FILIP1L: variants seen among roughly 807,000 people sequenced by gnomAD.
FILIP1L encodes the protein filamin A interacting protein 1 like.
A neutral mutation model predicts 96.6 loss-of-function variants in FILIP1L; 55 were observed. The ratio of observed to expected loss-of-function variants is 0.57; its 90% CI spans 0.46 to 0.71. The LOEUF (loss-of-function observed/expected upper bound fraction) is 0.71. Ranked by LOEUF, FILIP1L falls within the 30% of genes least tolerant of loss-of-function variation. The probability of loss-of-function intolerance (pLI) is 0.00; values close to 1 mark genes in which losing one functional copy is unlikely to be tolerated. For missense variants in FILIP1L, 1,304 were observed against 1,321.2 expected (o/e 0.99, Z 0.20); for synonymous variants, 467 against 473.9 (o/e 0.99, Z 0.19).
intron 1 of FILIP1L, among the ~76,000 whole-genome samples, chr3:100,067,005 G>A (rs2065677143): frequency 6.6e-6 from 1 of 152,194 alleles, no homozygotes; most frequent in African/African-American, 2.4e-5. Context: ...CACATATTGA[G>A]TGAGATTCCT....
intron 1 of FILIP1L, among the ~76,000 whole-genome samples, chr3:99,991,965 T>C (rs529197940): frequency 6.7e-6 from 1 of 149,328 alleles, no homozygotes; most frequent in South Asian, 2.1e-4. Flanking sequence ...TATGTGTGTA[T>C]ATATACACAC....
In FILIP1L at chr3:99,850,061, A is replaced by G. The variant is rs1943592894; in HGVS notation, c.1615T>C (p.Leu539=). Residue 539 remains leucine, a synonymous_variant, in exon 5 of 6, where the codon TTA becomes CTA. Coordinates refer to ENST00000477258, the MANE Select transcript of FILIP1L (RefSeq NM_001387850.1). ...QNKVTTVTEK[L]IEETKRALKS... Reference sequence around the variant, plus strand: ...AGCGCCCTTTTAGTTTCCTCAATTAACTTCTCAGTAACTGTTGTTACTTTA... The same window carrying G: ...AGCGCCCTTTTAGTTTCCTCAATTAGCTTCTCAGTAACTGTTGTTACTTTA... The G allele has an allele frequency of 6.2e-7, 1 of 1,611,848 alleles. No individual in the cohort carries two copies. Among genetic ancestry groups the G allele is most frequent in the African/African-American group, 1.3e-5 (1 of 74,720 alleles).
chr3:100,083,380 C>G (rs766457268), intron 1 of FILIP1L, among the ~76,000 whole-genome samples: 49 of 152,316 alleles, frequency 3.2e-4, no homozygotes, highest in Non-Finnish European at 5.4e-4. Flanking sequence ...TGGGAACTTG[C>G]AAGACATGAA....
At chr3:99,876,370 C>T (rs1705521799) in intron 4 of FILIP1L, among the ~76,000 whole-genome samples, 1 of 151,240 alleles carries the variant, frequency 6.6e-6, no homozygotes, top group Non-Finnish European at 1.5e-5. Flanking sequence ...CGGCTCCCAG[C>T]GGAGGGAATG....
intron 5 of FILIP1L, among the ~76,000 whole-genome samples, chr3:99,847,275 G>C (rs1943406635): frequency 6.6e-6 from 1 of 150,618 alleles, no homozygotes; most frequent in Non-Finnish European, 1.5e-5. Flanking sequence ...GAACAGGGTA[G>C]GTAGCACCTA....
chr3:100,074,675 A>ATT lies in FILIP1L; in HGVS notation c.-11+39376_-11+39377dup, dbSNP rs555819875. Among the ~76,000 whole-genome samples the ATT allele has an allele frequency of 3.6e-3, 126 of 34,774 alleles. 42 individuals carry two copies. Among genetic ancestry groups the ATT allele is most frequent in the South Asian group, 5.0e-3 (3 of 604 alleles). 22.8% of individuals were successfully genotyped at this position (34,774 alleles called of 152,430 possible). A position where few individuals can be genotyped will look rare whatever the true frequency, so the allele number is the denominator to read the frequency against. On this transcript the variant is annotated intron_variant, in intron 1 of 5. Transcript: ENST00000477258. ...ATTTTCTATGCATGTGCAACATTTG[A>ATT]TTTTTTTTTTTTTTTTTTTTTTTTT... is the stretch of plus-strand genomic sequence containing the variant.
In FILIP1L at chr3:99,832,262, G is replaced by A. The variant is rs1331326350; in HGVS notation, c.3382-1657C>T. On this transcript the variant is annotated intron_variant, in intron 5 of 5. Coordinates refer to ENST00000477258, the MANE Select transcript of FILIP1L (RefSeq NM_001387850.1). ...TTTTTTTTTTTTGAGACGGAGTCTC[G>A]CTGTATCACCCAGACTGGAGTGCAG... 3.5e-5 allele frequency among the ~76,000 whole-genome samples: 5 copies of A among 141,290 alleles called. No individual in the cohort carries two copies. In the South Asian group the frequency reaches 6.6e-4, roughly 19 times the overall value. The allele number at this position is 141,290 out of a possible 152,430, so 92.7% of individuals were successfully genotyped here.
intron 1 of FILIP1L, among the ~76,000 whole-genome samples, chr3:99,987,230 TA>T (rs1709367619): frequency 9.3e-6 from 1 of 107,228 alleles, no homozygotes; most frequent in African/African-American, 3.7e-5. Flanking sequence ...CCCTGTCTCT[TA>T]AGGGGAAAAA....
At chr3:99,983,700 A>C (rs1709242734) in intron 1 of FILIP1L, among the ~76,000 whole-genome samples, 1 of 150,240 alleles carries the variant, frequency 6.7e-6, no homozygotes, top group Admixed American at 6.7e-5. Context: ...AAAAAAAAAA[A>C]AAAGAAATGA....
chr3:100,048,351 G>A (rs2065311383), intron 1 of FILIP1L, among the ~76,000 whole-genome samples: 2 of 152,168 alleles, frequency 1.3e-5, no homozygotes, highest in South Asian at 2.1e-4. Flanking sequence ...CAGAGCCTTC[G>A]GCACTGCCAG....
At chr3:99,908,914 T>A (rs1347094297) in intron 4 of FILIP1L, among the ~76,000 whole-genome samples, 1 of 152,122 alleles carries the variant, frequency 6.6e-6, no homozygotes, top group Non-Finnish European at 1.5e-5. Flanking sequence ...GGAATCTTAA[T>A]TAGCTTCAGG....
Position 99,930,022 on chromosome 3 carries a change from TC to T in FILIP1L, c.259del (p.Asp87MetfsTer4), listed in dbSNP as rs762286588. The T allele has an allele frequency of 6.9e-6, 11 of 1,605,476 alleles. No individual in the cohort carries two copies. Among genetic ancestry groups the T allele is most frequent in the Admixed American group, 1.7e-5 (1 of 58,220 alleles). ...AGCCTTTAAAATGCCTATGACCTCA[TC>T]TCGAGCCTGTAGGAACAAAAAGTAT... ...SILEGELQAR[D>X]EVIGILKAEK... On this transcript the variant is annotated frameshift_variant, in exon 3 of 6. Transcript: ENST00000477258. LOFTEE classifies it high-confidence loss of function.
rs370295290 is a variant in FILIP1L at position 99,962,866 on chromosome 3, T to C, written c.-10-31836A>G. On this transcript the variant is annotated intron_variant, in intron 1 of 5. Coordinates refer to ENST00000477258, the MANE Select transcript of FILIP1L (RefSeq NM_001387850.1). ...GTACTCTGAGGGTGCCTTAAGACAA[T>C]GGCTGTAGCCTGCTGTTTATGGTCA... 3.3e-5 allele frequency among the ~76,000 whole-genome samples: 5 copies of C among 152,346 alleles called. No individual in the cohort carries two copies. The East Asian group carries it at 9.6e-4, about 29-fold the overall frequency.
At chr3:99,929,081 A>G (rs772321905) in intron 3 of FILIP1L, among the ~76,000 whole-genome samples, 4 of 152,252 alleles carry the variant, frequency 2.6e-5, no homozygotes, top group Non-Finnish European at 5.9e-5. Context: ...GCCTCAACTC[A>G]TGTTCCTAGT....
In FILIP1L at chr3:99,849,998, C is replaced by T. The variant is rs777759195; in HGVS notation, c.1678G>A (p.Val560Ile). The change falls in exon 5 of 6, where the codon GTA (valine) becomes ATA (isoleucine). Residue 560 changes from valine to isoleucine, a missense_variant. Val to Ile is a conservative substitution (Grantham distance 29). Coordinates refer to ENST00000477258, the MANE Select transcript of FILIP1L (RefSeq NM_001387850.1). ...TTTAAATCATCTCTCTCCTTGGTTA[C>T]GCTGTACATCTTTTCTTCTACATCG... ...KTDVEEKMYS[V>I]TKERDDLKNK... The T allele has an allele frequency of 1.1e-4, 176 of 1,608,426 alleles. No individual in the cohort carries two copies. The highest frequency in any genetic ancestry group is 1.4e-4 in the Non-Finnish European group (164 of 1,178,760).
chr3:100,050,940 A>C (rs2065360705), intron 1 of FILIP1L, among the ~76,000 whole-genome samples: 1 of 152,202 alleles, frequency 6.6e-6, no homozygotes, highest in Non-Finnish European at 1.5e-5. Flanking sequence ...CAAGAATTTG[A>C]TCCAAAAGTC....
intron 1 of FILIP1L, among the ~76,000 whole-genome samples, chr3:99,994,935 C>T (rs1032546152): frequency 2.6e-5 from 4 of 152,116 alleles, no homozygotes; most frequent in Non-Finnish European, 5.9e-5. Context: ...TATGGGAGTA[C>T]AATTCAAGTT....
intron 1 of FILIP1L, among the ~76,000 whole-genome samples, chr3:99,932,852 G>A (rs980258506): frequency 6.6e-6 from 1 of 152,078 alleles, no homozygotes; most frequent in Admixed American, 6.5e-5. Flanking sequence ...GATCGCGCCC[G>A]GCACTCCAGC....
rs191007056 is a variant in FILIP1L at position 100,087,260 on chromosome 3, T to G, written c.-11+26793A>C. Reference sequence around the variant, plus strand: ...TTGTAAATGAATGTTTAGCATCTTATAAAGAACTGCCAAACTGTTTTCCAA... The same window carrying G: ...TTGTAAATGAATGTTTAGCATCTTAGAAAGAACTGCCAAACTGTTTTCCAA... On this transcript the variant is annotated intron_variant, in intron 1 of 5. Transcript: ENST00000477258. Among the ~76,000 whole-genome samples the G allele has an allele frequency of 5.9e-5, 9 of 152,376 alleles. No individual in the cohort carries two copies. In the East Asian group the frequency reaches 1.5e-3, roughly 26 times the overall value.
Sources: allele counts gnomAD v4.1 joint callset (sites outside exome capture counted in the v4.1 genomes callset), GRCh38; gene constraint gnomAD v4.1.1; transcripts MANE v1.5; gene names NCBI Gene and HGNC (gene_info 2026-07-23, HGNC 2026-07-21).